The following SLC18A1 variants were observed in gnomAD, a reference collection of about 807,000 sequenced individuals.
SLC18A1 encodes solute carrier family 18 member A1.
A neutral mutation model predicts 53.7 loss-of-function variants in SLC18A1; 69 were observed. The ratio of observed to expected loss-of-function variants is 1.28; its 90% CI spans 1.06 to 1.57. SLC18A1 has a LOEUF of 1.57. SLC18A1 is among the 40% of genes most tolerant of loss of function. SLC18A1 has a pLI of 0.00. For missense variants in SLC18A1, 932 were observed against 668.1 expected, an observed-to-expected ratio of 1.40 and a Z score of -4.35; for synonymous variants, 320 against 248.1, an observed-to-expected ratio of 1.29 and a Z score of -2.72.
intron 8 of SLC18A1, among the ~76,000 whole-genome samples, chr8:20,169,458 T>TA (rs35242639): frequency 0.11 from 16,994 of 151,422 alleles, 1,124 homozygotes; most frequent in Middle Eastern, 0.29. Context: ...TGACATTACA[T>TA]AAAAAAAAAT....
chr8:20,182,735 C>A (rs911396899), intron 1 of SLC18A1, among the ~76,000 whole-genome samples: 1 of 152,188 alleles, frequency 6.6e-6, no homozygotes, highest in African/African-American at 2.4e-5. Flanking sequence ...GAACCAAATT[C>A]TCAGTTAAGT....
intron 4 of SLC18A1, chr8:20,175,829 C>T (rs1322048350): frequency 1.3e-5 from 2 of 150,226 alleles, no homozygotes; most frequent in Non-Finnish European, 2.9e-5. Flanking sequence ...CACCGAACTT[C>T]TCCTTGTCTC....
chr8:20,173,143 A>G lies in SLC18A1; in HGVS notation c.632-15T>C. On this transcript the variant is annotated splice_polypyrimidine_tract_variant and intron_variant, in intron 5 of 15. Coordinates refer to ENST00000276373, the MANE Select transcript of SLC18A1 (RefSeq NM_003053.4). Reference sequence around the variant, plus strand: ...CATTCCAAGACCTGCGCAGAGAGTTACAGATGCAGCTGGCCCCCTGGGGGG... The same window carrying G: ...CATTCCAAGACCTGCGCAGAGAGTTGCAGATGCAGCTGGCCCCCTGGGGGG... 1 of 1,555,876 alleles carries G rather than the reference A, an allele frequency of 6.4e-7. No homozygotes were observed. Among genetic ancestry groups the G allele is most frequent in the Non-Finnish European group, 8.7e-7 (1 of 1,149,540 alleles).
At chr8:20,171,765 A>G (rs1219180017) in intron 6 of SLC18A1, among the ~76,000 whole-genome samples, 4 of 152,068 alleles carry the variant, frequency 2.6e-5, no homozygotes, top group Admixed American at 2.6e-4. Context: ...TAATTAAAGC[A>G]TGGTGAAAGT....
chr8:20,158,679 A>C lies in SLC18A1; in HGVS notation c.1015+6190T>G, dbSNP rs1040436959. On this transcript the variant is annotated intron_variant, in intron 10 of 15. Transcript: ENST00000276373. ...CAGTACTCCAATTTTAGGAGTCCAG[A>C]AACCCAACGGACAGTGGAGGTTAGT... is the stretch of plus-strand genomic sequence containing the variant. 2.0e-5 allele frequency among the ~76,000 whole-genome samples: 3 copies of C among 152,142 alleles called. No homozygotes were observed. In the South Asian group the frequency reaches 6.2e-4, roughly 32 times the overall value.
intron 8 of SLC18A1, among the ~76,000 whole-genome samples, chr8:20,170,868 C>T (rs1419498515): frequency 6.6e-6 from 1 of 151,808 alleles, no homozygotes; most frequent in Non-Finnish European, 1.5e-5. Context: ...TTCTCTATGG[C>T]TTCTTTGATT....
intron 10 of SLC18A1, among the ~76,000 whole-genome samples, chr8:20,161,328 A>T (rs1278569500): frequency 1.3e-5 from 2 of 152,240 alleles, no homozygotes; most frequent in African/African-American, 4.8e-5. Flanking sequence ...GATTCAACTA[A>T]TCGCAGATCA....
chr8:20,148,369 C>A (rs968141466), intron 12 of SLC18A1: 17 of 986,632 alleles, frequency 1.7e-5, no homozygotes, highest in Non-Finnish European at 2.4e-5. Context: ...CGAGGGTCTT[C>A]CTCTGTTCCA....
intron 4 of SLC18A1, 151 bp downstream of exon 4, chr8:20,178,284 C>T (rs183186888): frequency 0.01 from 6,565 of 635,828 alleles, 60 homozygotes; most frequent in Non-Finnish European, 0.015. Context: ...AGTCCACATA[C>T]CAAAAACAGC....
At chr8:20,151,499 G>T (rs545515351) in intron 10 of SLC18A1, among the ~76,000 whole-genome samples, 1 of 152,144 alleles carries the variant, frequency 6.6e-6, no homozygotes, top group East Asian at 1.9e-4. Context: ...TTCTCTGAGA[G>T]GGATCTTGGA....
intron 2 of SLC18A1, among the ~76,000 whole-genome samples, chr8:20,180,017 C>A (rs549234752): frequency 6.6e-6 from 1 of 152,134 alleles, no homozygotes; most frequent in African/African-American, 2.4e-5. Flanking sequence ...GTGGAGAGGC[C>A]TTGGGCAAGT....
chr8:20,154,058 G>A (rs1235277640), intron 10 of SLC18A1, among the ~76,000 whole-genome samples: 1 of 152,160 alleles, frequency 6.6e-6, no homozygotes, highest in Non-Finnish European at 1.5e-5. Flanking sequence ...GTTGTTAAAA[G>A]AGCTGGGCCT....
rs780581563 is a variant in SLC18A1 at position 20,145,852 on chromosome 8, T to C, written c.1489A>G (p.Met497Val). 5 of 1,610,784 alleles carry C rather than the reference T, an allele frequency of 3.1e-6. No homozygotes were observed. The South Asian group carries it at 5.5e-5, about 18-fold the overall frequency. Reference sequence around the variant, plus strand: ...TGGGTTGCATACATCCGGGTCTCCATGGGGCAGTCCTGACTCAGAATAGCC... The same window carrying C: ...TGGGTTGCATACATCCGGGTCTCCACGGGGCAGTCCTGACTCAGAATAGCC... ...KLAILSQDCP[M>V]ETRMYATQKP... The change falls in exon 16 of 16, where the codon ATG (methionine) becomes GTG (valine). Residue 497 changes from methionine to valine, a missense_variant. Transcript: ENST00000276373.
chr8:20,175,796 T>C (rs1252474798), intron 4 of SLC18A1: 3 of 152,144 alleles, frequency 2.0e-5, no homozygotes, highest in African/African-American at 4.8e-5. Flanking sequence ...TCTTCTCCCA[T>C]TACTTCCCGG....
chr8:20,148,381 G>T, intron 12 of SLC18A1: 1 of 1,075,400 alleles, frequency 9.3e-7, no homozygotes, highest in Non-Finnish European at 1.3e-6. Context: ...TCTGTTCCAT[G>T]GATACTTTCT....
At chr8:20,148,553 A>C in intron 12 of SLC18A1, 1 of 1,027,002 alleles carries the variant, frequency 9.7e-7, no homozygotes, top group Non-Finnish European at 1.3e-6. Context: ...GGCCCCAACA[A>C]CCAGTTAGCT....
At chr8:20,172,585 T>C (rs2072150615) in intron 6 of SLC18A1, among the ~76,000 whole-genome samples, 1 of 152,218 alleles carries the variant, frequency 6.6e-6, no homozygotes, top group Non-Finnish European at 1.5e-5. Flanking sequence ...GGAGTCTGTA[T>C]CCTGGCTGTG....
chr8:20,150,084 T>C (rs1183609577), intron 11 of SLC18A1, among the ~76,000 whole-genome samples: 2 of 152,212 alleles, frequency 1.3e-5, no homozygotes, highest in Non-Finnish European at 2.9e-5. Flanking sequence ...CCTGTCCTAT[T>C]TTATTTGGTC....
chr8:20,165,563 T>G (rs1242717976), intron 8 of SLC18A1, among the ~76,000 whole-genome samples: 2 of 152,208 alleles, frequency 1.3e-5, no homozygotes, highest in Non-Finnish European at 2.9e-5. Flanking sequence ...TCAAGCTTTC[T>G]GAATTCTTCA....
Sources: allele counts gnomAD v4.1 joint callset (sites outside exome capture counted in the v4.1 genomes callset), GRCh38; gene constraint gnomAD v4.1.1; transcripts MANE v1.5; gene names NCBI Gene and HGNC (gene_info 2026-07-23, HGNC 2026-07-21).